The following KCNN2 variants were observed in gnomAD, a reference collection of about 807,000 sequenced individuals.
KCNN2 encodes the protein small conductance calcium-activated potassium channel protein 2.
In KCNN2, 24 loss-of-function variants were observed where a neutral mutation model predicts 55.5. That is an observed-to-expected ratio of 0.43 (90% confidence interval 0.31 to 0.61). The LOEUF is 0.61. Ranked by LOEUF, KCNN2 falls within the 20% of genes least tolerant of loss-of-function variation. The pLI is 0.08. For missense variants in KCNN2, 754 were observed against 853.6 expected, an observed-to-expected ratio of 0.88 and a Z score of 1.45; for synonymous variants, 431 against 336.1, an observed-to-expected ratio of 1.28 and a Z score of -3.09.
intron 1 of KCNN2, among the ~76,000 whole-genome samples, chr5:114,131,647 A>G (rs113286876): frequency 0.12 from 18,571 of 152,234 alleles, 1,302 homozygotes; most frequent in Non-Finnish European, 0.15. Flanking sequence ...GTATATACCC[A>G]GTAATGGGAT....
intron 2 of KCNN2, among the ~76,000 whole-genome samples, chr5:114,387,933 T>C (rs1402512408): frequency 6.6e-6 from 1 of 152,210 alleles, no homozygotes; most frequent in Non-Finnish European, 1.5e-5. Context: ...CTTCATTTTC[T>C]TCCTAGTCTC....
chr5:114,311,748 A>T (rs11743003), intron 2 of KCNN2, among the ~76,000 whole-genome samples: 7 of 151,858 alleles, frequency 4.6e-5, no homozygotes, highest in African/African-American at 1.7e-4. Flanking sequence ...TTAGAGATGA[A>T]TCTTTGGTTT....
chr5:114,460,471 T>G (rs1385411344), intron 3 of KCNN2, among the ~76,000 whole-genome samples: 1 of 152,152 alleles, frequency 6.6e-6, no homozygotes. Context: ...CCCGAACTCC[T>G]GACCTCAGGA....
intron 2 of KCNN2, among the ~76,000 whole-genome samples, chr5:114,326,405 G>T (rs1756715184): frequency 6.6e-6 from 1 of 152,200 alleles, no homozygotes; most frequent in South Asian, 2.1e-4. Flanking sequence ...GGTGTGAGTA[G>T]TAAGTGATGG....
chr5:114,252,969 GC>G (rs911106813), intron 2 of KCNN2, among the ~76,000 whole-genome samples: 1 of 152,064 alleles, frequency 6.6e-6, no homozygotes, highest in Admixed American at 6.5e-5. Context: ...TTATAAGCAT[GC>G]TCTTTCCCCT....
chr5:114,187,752 C>T (rs1236062985), intron 1 of KCNN2, among the ~76,000 whole-genome samples: 7 of 151,766 alleles, frequency 4.6e-5, no homozygotes, highest in African/African-American at 7.3e-5. Flanking sequence ...GAGATCCACC[C>T]GCCTCGGCCT....
intron 1 of KCNN2, among the ~76,000 whole-genome samples, chr5:114,208,754 G>A (rs1753821021): frequency 6.6e-6 from 1 of 152,170 alleles, no homozygotes; most frequent in African/African-American, 2.4e-5. Context: ...TTAATACGCT[G>A]CAGGGCACCT....
chr5:114,426,891 G>T (rs1015993004), intron 3 of KCNN2, among the ~76,000 whole-genome samples: 1 of 152,118 alleles, frequency 6.6e-6, no homozygotes, highest in Admixed American at 6.5e-5. Context: ...ATTCTCTAAC[G>T]GAAGCATATA....
Position 114,249,446 on chromosome 5 carries a change from C to T in KCNN2, c.-185+27881C>T, listed in dbSNP as rs529294417. Among the ~76,000 whole-genome samples the T allele has an allele frequency of 5.6e-4, 85 of 151,718 alleles. 1 individual carries two copies. The South Asian group carries it at 0.016, about 28-fold the overall frequency. On this transcript the variant is annotated intron_variant, in intron 2 of 10. Transcript: ENST00000512097. ...GGATTACAGGTGCGTGCCACTACAC[C>T]CAGCTAATTTTTGTATTTTTACTAG...
intron 2 of KCNN2, among the ~76,000 whole-genome samples, chr5:114,389,503 C>T (rs1396378388): frequency 6.6e-6 from 1 of 152,086 alleles, no homozygotes; most frequent in Non-Finnish European, 1.5e-5. Flanking sequence ...TAGTATACAC[C>T]TTCTAGAATT....
intron 5 of KCNN2, among the ~76,000 whole-genome samples, chr5:114,486,185 C>CT (rs1476675024): frequency 6.6e-6 from 1 of 152,176 alleles, no homozygotes; most frequent in Non-Finnish European, 1.5e-5. Context: ...GTGAAATATC[C>CT]TTTTTCCATC....
At chr5:114,304,486 G>A (rs1443167895) in intron 2 of KCNN2, among the ~76,000 whole-genome samples, 1 of 152,170 alleles carries the variant, frequency 6.6e-6, no homozygotes, top group Non-Finnish European at 1.5e-5. Flanking sequence ...TGGGAACTTG[G>A]ATCACACAGT....
chr5:114,365,559 G>C (rs62381465), intron 2 of KCNN2, among the ~76,000 whole-genome samples: 1 of 152,138 alleles, frequency 6.6e-6, no homozygotes, highest in African/African-American at 2.4e-5. Context: ...GAGGTAGCTT[G>C]CCGGGCCACA....
At chr5:114,155,092 T>G (rs1204668491) in intron 1 of KCNN2, among the ~76,000 whole-genome samples, 3 of 152,114 alleles carry the variant, frequency 2.0e-5, no homozygotes, top group Non-Finnish European at 4.4e-5. Flanking sequence ...TAGGTGTCCG[T>G]GTGTTCTCAT....
chr5:114,260,372 T>C (rs1021830051), intron 2 of KCNN2, among the ~76,000 whole-genome samples: 10 of 152,312 alleles, frequency 6.6e-5, no homozygotes, highest in Admixed American at 4.6e-4. Context: ...CTCAGCCTCA[T>C]TGTATGTATC....
chr5:114,491,750 G>A (rs929172413), intron 6 of KCNN2, among the ~76,000 whole-genome samples: 8 of 152,058 alleles, frequency 5.3e-5, no homozygotes, highest in African/African-American at 1.9e-4. Context: ...CATATGTGAG[G>A]AAACTAAAGG....
chr5:114,287,839 A>G (rs1755786958), intron 2 of KCNN2, among the ~76,000 whole-genome samples: 1 of 151,774 alleles, frequency 6.6e-6, no homozygotes, highest in Non-Finnish European at 1.5e-5. Context: ...AAACTTTTAG[A>G]CATCATCAAC....
In KCNN2 at chr5:114,460,306, A is replaced by T. The variant is rs201524617; in HGVS notation, c.1638-2743A>T. 7.2e-5 allele frequency among the ~76,000 whole-genome samples: 11 copies of T among 152,198 alleles called. No homozygotes were observed. In the East Asian group the frequency reaches 1.9e-3, roughly 27 times the overall value. Reference sequence around the variant, plus strand: ...CCAGGCTGGAGTGCAGTGGCAGTGCAGTCTTGGCTCACTGCAACCTCTGCC... The same window carrying T: ...CCAGGCTGGAGTGCAGTGGCAGTGCTGTCTTGGCTCACTGCAACCTCTGCC... On this transcript the variant is annotated intron_variant, in intron 3 of 7. Coordinates refer to ENST00000673685, the MANE Select transcript of KCNN2 (RefSeq NM_021614.4).
chr5:114,136,752 C>T (rs1264397407), intron 1 of KCNN2, among the ~76,000 whole-genome samples: 2 of 152,126 alleles, frequency 1.3e-5, no homozygotes, highest in Non-Finnish European at 2.9e-5. Flanking sequence ...TCTGAGCCTC[C>T]CTTTCTTCAC....
Sources: allele counts gnomAD v4.1 joint callset (sites outside exome capture counted in the v4.1 genomes callset), GRCh38; gene constraint gnomAD v4.1.1; transcripts MANE v1.5; gene names NCBI Gene and HGNC (gene_info 2026-07-23, HGNC 2026-07-21).